LARGE1: variants seen among roughly 807,000 people sequenced by gnomAD.
LARGE1 encodes the protein xylosyl- and glucuronyltransferase LARGE1.
LARGE1 carries 43 observed loss-of-function variants against 87.6 expected under a neutral mutation model. The ratio of observed to expected loss-of-function variants is 0.49; its 90% CI spans 0.38 to 0.63. The LOEUF (loss-of-function observed/expected upper bound fraction) is 0.63. Ranked by LOEUF, LARGE1 falls within the 30% of genes least tolerant of loss-of-function variation. LARGE1 has a pLI of 0.00. For missense variants in LARGE1, 802 were observed against 1,000.2 expected, an observed-to-expected ratio of 0.80 and a Z score of 2.67; for synonymous variants, 434 against 394.6, an observed-to-expected ratio of 1.10 and a Z score of -1.18.
At chr22:33,193,086 G>A (rs763303194) in intron 11 of LARGE1, among the ~76,000 whole-genome samples, 87 of 152,022 alleles carry the variant, frequency 5.7e-4, no homozygotes, top group Non-Finnish European at 1.0e-3. Flanking sequence ...TATGATGTGT[G>A]TGTGTGTATG....
At chr22:33,316,487 T>C (rs557601634) in intron 10 of LARGE1, among the ~76,000 whole-genome samples, 3 of 152,350 alleles carry the variant, frequency 2.0e-5, no homozygotes, top group East Asian at 3.9e-4. Context: ...ACACCTGTAA[T>C]GTCAGCACTT....
At chr22:33,310,120 T>C (rs926984469) in intron 11 of LARGE1, among the ~76,000 whole-genome samples, 6 of 151,944 alleles carry the variant, frequency 3.9e-5, no homozygotes, top group African/African-American at 1.5e-4. Context: ...GTTCAGGAGG[T>C]CTGGGGTGGG....
At chr22:33,845,395 A>G (rs1214477486) in intron 1 of LARGE1, among the ~76,000 whole-genome samples, 1 of 151,834 alleles carries the variant, frequency 6.6e-6, no homozygotes, top group Non-Finnish European at 1.5e-5. Context: ...CGCAACCTCT[A>G]CCTCCTGGGT....
At chr22:33,343,743 C>T (rs1258161168) in intron 9 of LARGE1, among the ~76,000 whole-genome samples, 1 of 152,186 alleles carries the variant, frequency 6.6e-6, no homozygotes, top group Non-Finnish European at 1.5e-5. Context: ...GAGCCTCAGA[C>T]TAGCCCAGGG....
chr22:33,271,111 T>A (rs1002174833), downstream of LARGE1, among the ~76,000 whole-genome samples: 1 of 152,210 alleles, frequency 6.6e-6, no homozygotes, highest in African/African-American at 2.4e-5. Flanking sequence ...ATTTGGCATA[T>A]TTTAGGAGAT....
intron 1 of LARGE1, among the ~76,000 whole-genome samples, chr22:33,840,407 A>G (rs16993143): frequency 0.28 from 42,416 of 152,078 alleles, 6,357 homozygotes; most frequent in African/African-American, 0.38. Context: ...ACTATTTTTG[A>G]AGACCAACTC....
chr22:33,623,476 C>T lies in LARGE1; in HGVS notation c.491+2768G>A, dbSNP rs117724739. Among the ~76,000 whole-genome samples the T allele has an allele frequency of 5.3e-3, 801 of 152,184 alleles. 3 individuals are homozygous for T. The highest frequency in any genetic ancestry group is 9.0e-3 in the Non-Finnish European group (610 of 68,012). ...TATGAGGAAGAACTGACAGCCTCTA[C>T]GGTGAACTGTTATCTATTTGTTGAT... On this transcript the variant is annotated intron_variant, in intron 4 of 14. Transcript: ENST00000397394.
chr22:33,239,522 CTTTTTTTCTTTTCTTTTTTTT>C (rs1926404342), intron 11 of LARGE1, among the ~76,000 whole-genome samples: 1 of 137,864 alleles, frequency 7.3e-6, no homozygotes, highest in Non-Finnish European at 1.6e-5. Flanking sequence ...CTTACTATTT[CTTTTTTTCTTTTCTTTTTTTT>C]TTTTTTTTTT....
intron 1 of LARGE1, among the ~76,000 whole-genome samples, chr22:33,846,915 CCT>C (rs1391947481): frequency 1.3e-5 from 2 of 152,136 alleles, no homozygotes; most frequent in Admixed American, 6.5e-5. Context: ...TAATTTCACC[CCT>C]GTCCTGTGGT....
At chr22:33,678,486 C>A (rs570766245) in intron 2 of LARGE1, among the ~76,000 whole-genome samples, 1 of 152,292 alleles carries the variant, frequency 6.6e-6, no homozygotes, top group South Asian at 2.1e-4. Context: ...GCAAAGAATT[C>A]CTCACTTTAC....
intron 6 of LARGE1, among the ~76,000 whole-genome samples, chr22:33,466,165 AC>A (rs1270389761): frequency 1.3e-5 from 2 of 152,252 alleles, no homozygotes; most frequent in East Asian, 3.9e-4. Flanking sequence ...TCTCATGCCC[AC>A]GCACATGCTG....
At chr22:33,537,009 C>T (rs2077062341) in intron 6 of LARGE1, among the ~76,000 whole-genome samples, 1 of 152,308 alleles carries the variant, frequency 6.6e-6, no homozygotes, top group East Asian at 1.9e-4. Flanking sequence ...TGGGGTTTCA[C>T]CATGCTGGTC....
At chr22:33,640,082 C>T (rs76382202) in intron 3 of LARGE1, among the ~76,000 whole-genome samples, 1,562 of 152,302 alleles carry the variant, frequency 0.01, 29 homozygotes, top group African/African-American at 0.036. Context: ...CGTGGCCCTG[C>T]ACCGTGACAG....
At chr22:33,259,211 T>A (rs767603328) in intron 11 of LARGE1, among the ~76,000 whole-genome samples, 8 of 151,998 alleles carry the variant, frequency 5.3e-5, no homozygotes, top group African/African-American at 1.9e-4. Context: ...TGCTGAAGGG[T>A]TTATCTGATT....
At chr22:33,530,646 C>T (rs994948865) in intron 6 of LARGE1, among the ~76,000 whole-genome samples, 11 of 152,088 alleles carry the variant, frequency 7.2e-5, no homozygotes, top group Admixed American at 2.0e-4. Context: ...GGCATAGTTG[C>T]GCTCTGAGGA....
chr22:33,202,503 T>C (rs1443550303), intron 11 of LARGE1, among the ~76,000 whole-genome samples: 2 of 152,224 alleles, frequency 1.3e-5, no homozygotes, highest in East Asian at 3.8e-4. Context: ...AGACATGAAA[T>C]TATGTTTTAT....
chr22:33,068,077 A>G, the LARGE1 span, among the ~76,000 whole-genome samples: 8 of 152,198 alleles, frequency 5.3e-5, no homozygotes, highest in Non-Finnish European at 8.8e-5. Flanking sequence ...TCCTGTCCTG[A>G]AATCCAGAAC....
intron 12 of LARGE1, among the ~76,000 whole-genome samples, chr22:33,292,946 C>CA (rs1447625397): frequency 6.6e-6 from 1 of 152,172 alleles, no homozygotes; most frequent in African/African-American, 2.4e-5. Context: ...ATATATTCAT[C>CA]AATTAATGAA....
chr22:33,284,961 G>A (rs1931238873), intron 12 of LARGE1, among the ~76,000 whole-genome samples: 2 of 152,178 alleles, frequency 1.3e-5, no homozygotes, highest in Non-Finnish European at 2.9e-5. Flanking sequence ...AAGCGATTTA[G>A]CTCCTCACTA....
Sources: gnomAD v4.1 joint callset for allele counts (sites outside exome capture counted in the v4.1 genomes callset) on GRCh38, gnomAD v4.1.1 for gene constraint, MANE v1.5 for transcripts, NCBI Gene and HGNC (gene_info 2026-07-23, HGNC 2026-07-21) for gene names.